SNX9: variants seen among roughly 807,000 people sequenced by gnomAD.
SNX9 encodes sorting nexin 9.
SNX9 carries 44 observed loss-of-function variants against 89.4 expected under a neutral mutation model. The ratio of observed to expected loss-of-function variants is 0.49; its 90% CI spans 0.39 to 0.63. SNX9 has a LOEUF of 0.63. SNX9 is among the 30% of genes least tolerant of loss of function. The pLI is 0.00. For synonymous variants in SNX9, 236 were observed against 247.8 expected (o/e 0.95, Z 0.45); for missense variants, 578 against 736.1 (o/e 0.79, Z 2.49).
intron 4 of SNX9, among the ~76,000 whole-genome samples, chr6:157,894,181 C>T (rs1008150200): frequency 5.1e-5 from 7 of 137,738 alleles, no homozygotes; most frequent in African/African-American, 1.7e-4. Flanking sequence ...GTGATCTCAG[C>T]TCATTGCAAT....
intron 12 of SNX9, among the ~76,000 whole-genome samples, chr6:157,929,350 C>T (rs780593359): frequency 1.5e-4 from 23 of 152,252 alleles, no homozygotes; most frequent in Non-Finnish European, 1.2e-4. Flanking sequence ...GCTAATGCCA[C>T]GGGCTGCTGC....
intron 1 of SNX9, among the ~76,000 whole-genome samples, chr6:157,840,415 C>CT (rs1781676335): frequency 7.0e-6 from 1 of 143,438 alleles, no homozygotes; most frequent in Non-Finnish European, 1.5e-5. Context: ...TACTTTCTTT[C>CT]TTTCTTTTCT....
intron 9 of SNX9, among the ~76,000 whole-genome samples, chr6:157,912,584 G>T (rs886768391): frequency 6.6e-6 from 1 of 152,152 alleles, no homozygotes; most frequent in African/African-American, 2.4e-5. Flanking sequence ...CCTCACTTGT[G>T]TGCCTCCTGC....
chr6:157,824,756 G>A (rs1463348910), intron 1 of SNX9, among the ~76,000 whole-genome samples: 1 of 152,106 alleles, frequency 6.6e-6, no homozygotes, highest in Non-Finnish European at 1.5e-5. Context: ...ATATATTATT[G>A]CCTGTGCTGT....
intron 12 of SNX9, among the ~76,000 whole-genome samples, chr6:157,930,435 G>A (rs1322745709): frequency 2.0e-5 from 3 of 152,178 alleles, no homozygotes; most frequent in Admixed American, 6.5e-5. Flanking sequence ...CAAAGTTGAC[G>A]TTGTTCTCTA....
At chr6:157,863,583 G>C (rs1014310454) in intron 1 of SNX9, among the ~76,000 whole-genome samples, 18 of 152,222 alleles carry the variant, frequency 1.2e-4, no homozygotes, top group Non-Finnish European at 1.2e-4. Flanking sequence ...ATGAGTTCTT[G>C]AAGTATAGCT....
intron 1 of SNX9, among the ~76,000 whole-genome samples, chr6:157,864,605 G>GCCC (rs1399564056): frequency 6.6e-6 from 1 of 152,166 alleles, no homozygotes; most frequent in Non-Finnish European, 1.5e-5. Context: ...GGTTCCTCAT[G>GCCC]CCCGTGAGTG....
At chr6:157,851,495 C>T (rs1781910412) in intron 1 of SNX9, among the ~76,000 whole-genome samples, 1 of 152,282 alleles carries the variant, frequency 6.6e-6, no homozygotes, top group Admixed American at 6.5e-5. Context: ...CAATAACTCC[C>T]CATTTCCCAC....
intron 2 of SNX9, among the ~76,000 whole-genome samples, chr6:157,871,694 T>G (rs552340730): frequency 9.9e-5 from 15 of 152,046 alleles, no homozygotes; most frequent in Non-Finnish European, 1.6e-4. Context: ...TTTTAAAAAT[T>G]TTTAAAAATG....
At chr6:157,938,828 A>G (rs973979106) in intron 16 of SNX9, 81 bp downstream of exon 16, 2 of 989,726 alleles carry the variant, frequency 2.0e-6, no homozygotes, top group African/African-American at 3.2e-5. Flanking sequence ...AGAGAAATCC[A>G]GATGTGAGCA....
intron 1 of SNX9, among the ~76,000 whole-genome samples, chr6:157,865,747 G>A (rs1295301133): frequency 6.6e-6 from 1 of 151,964 alleles, no homozygotes; most frequent in African/African-American, 2.4e-5. Flanking sequence ...TTCTTAGTCT[G>A]TTATCACTAA....
intron 1 of SNX9, among the ~76,000 whole-genome samples, chr6:157,867,025 T>C (rs911954945): frequency 9.2e-5 from 14 of 152,312 alleles, no homozygotes; most frequent in African/African-American, 3.4e-4. Flanking sequence ...CCTGGCTTAC[T>C]GTAACTTTGA....
intron 4 of SNX9, among the ~76,000 whole-genome samples, chr6:157,888,868 C>T (rs918670409): frequency 1.3e-5 from 2 of 152,100 alleles, no homozygotes. Context: ...GGCTTGATTA[C>T]TGAATTCATC....
At chr6:157,836,950 A>AC (rs1781596232) in intron 1 of SNX9, among the ~76,000 whole-genome samples, 2 of 152,166 alleles carry the variant, frequency 1.3e-5, no homozygotes, top group Non-Finnish European at 2.9e-5. Flanking sequence ...TAGGGACCTA[A>AC]CTTCCAGAAC....
At chr6:157,874,044 A>T (rs1211194368) in intron 3 of SNX9, 2 of 152,286 alleles carry the variant, frequency 1.3e-5, no homozygotes, top group Non-Finnish European at 2.9e-5. Context: ...AACTGGAGCT[A>T]GATCAAGAAT....
intron 5 of SNX9, among the ~76,000 whole-genome samples, chr6:157,900,351 G>A (rs1052159402): frequency 2.0e-5 from 3 of 152,092 alleles, no homozygotes; most frequent in South Asian, 2.1e-4. Flanking sequence ...TTCATTATAT[G>A]TTTTGAATAT....
chr6:157,938,509 A>C (rs1385924463), intron 15 of SNX9, 124 bp from the exon 16 acceptor site: 3 of 596,960 alleles, frequency 5.0e-6, no homozygotes, highest in Admixed American at 3.1e-5. Flanking sequence ...CTCTCTTCTT[A>C]TTTTGTGGAG....
At chr6:157,866,133 G>A (rs761515392) in intron 1 of SNX9, among the ~76,000 whole-genome samples, 1 of 152,212 alleles carries the variant, frequency 6.6e-6, no homozygotes, top group East Asian at 1.9e-4. Context: ...TTTTTACCAC[G>A]GTGATTCTCT....
chr6:157,875,000 C>G, intron 3 of SNX9, 51 bp from the exon 4 acceptor site: 1 of 1,603,522 alleles, frequency 6.2e-7, no homozygotes, highest in Non-Finnish European at 8.5e-7. Flanking sequence ...CGAAGACTCC[C>G]TGAAGTGACC....
Sources: gnomAD v4.1 joint callset for allele counts (sites outside exome capture counted in the v4.1 genomes callset) on GRCh38, gnomAD v4.1.1 for gene constraint, MANE v1.5 for transcripts, NCBI Gene and HGNC (gene_info 2026-07-23, HGNC 2026-07-21) for gene names.